IGDCC3: variants seen among roughly 807,000 people sequenced by gnomAD.
IGDCC3 encodes putative neuronal cell adhesion molecule.
A neutral mutation model predicts 72.0 loss-of-function variants in IGDCC3; 47 were observed. The ratio of observed to expected loss-of-function variants is 0.65; its 90% CI spans 0.52 to 0.83. IGDCC3 has a LOEUF of 0.83. IGDCC3 is among the 40% of genes least tolerant of loss of function. The pLI, the probability that IGDCC3 is intolerant of heterozygous loss-of-function variation, is 0.00. For missense variants in IGDCC3, 1,038 were observed against 1,091.3 expected (o/e 0.95, Z 0.69); for synonymous variants, 477 against 472.8 (o/e 1.01, Z -0.11).
At chr15:65,368,286 G>T (rs536695893) in intron 2 of IGDCC3, among the ~76,000 whole-genome samples, 1 of 151,852 alleles carries the variant, frequency 6.6e-6, no homozygotes, top group Admixed American at 6.6e-5. Flanking sequence ...CTCCCTGGGG[G>T]TGGGGAGGGG....
rs1595747231 is a variant in IGDCC3 at position 65,328,661 on chromosome 15, G to A, written c.*248C>T. ...TTCCAAGTCATGTGGGTACCAGGCA[G>A]AGGCAAGGGGGCGTCAGCCCAGGGA... On this transcript the variant is annotated 3_prime_UTR_variant, in exon 14 of 14. Transcript: ENST00000327987. 3 of 392,882 alleles carry A rather than the reference G, an allele frequency of 7.6e-6. No individual in the cohort carries two copies. The East Asian group carries it at 1.1e-4, about 14-fold the overall frequency. 24.3% of individuals were successfully genotyped at this position (392,882 alleles called of 1,614,324 possible).
intron 2 of IGDCC3, among the ~76,000 whole-genome samples, chr15:65,337,956 T>A (rs1259217388): frequency 6.6e-6 from 1 of 152,150 alleles, no homozygotes; most frequent in African/African-American, 2.4e-5. Context: ...CATCCTGGGC[T>A]CCCTGGAGGC....
At chr15:65,376,493 G>C (rs1416542395) in intron 1 of IGDCC3, among the ~76,000 whole-genome samples, 1 of 152,246 alleles carries the variant, frequency 6.6e-6, no homozygotes, top group Non-Finnish European at 1.5e-5. Context: ...CGATCCTGGA[G>C]CTGGCCCCTC....
chr15:65,360,848 T>G (rs964511651), intron 2 of IGDCC3, among the ~76,000 whole-genome samples: 1 of 152,134 alleles, frequency 6.6e-6, no homozygotes, highest in Non-Finnish European at 1.5e-5. Context: ...CAATCTCAGC[T>G]CACTGCAACC....
chr15:65,336,869 C>T (rs2091034241), intron 2 of IGDCC3, among the ~76,000 whole-genome samples: 1 of 152,138 alleles, frequency 6.6e-6, no homozygotes, highest in African/African-American at 2.4e-5. Context: ...CTCGGGTTCC[C>T]AGCTTCAGCA....
At chr15:65,330,162 C>T (rs1397740510) in intron 11 of IGDCC3, 131 bp downstream of exon 11, 1 of 747,630 alleles carries the variant, frequency 1.3e-6, no homozygotes, top group Non-Finnish European at 2.3e-6. Context: ...GGTCACACAG[C>T]CAGCATGTGC....
At chr15:65,347,315 A>C (rs552461153) in intron 2 of IGDCC3, among the ~76,000 whole-genome samples, 1 of 152,370 alleles carries the variant, frequency 6.6e-6, no homozygotes, top group Admixed American at 6.5e-5. Flanking sequence ...GGCTGAGATC[A>C]GCTCCTGGCT....
intron 2 of IGDCC3, among the ~76,000 whole-genome samples, chr15:65,352,544 T>G (rs911357754): frequency 9.2e-5 from 14 of 152,288 alleles, no homozygotes; most frequent in Admixed American, 8.5e-4. Context: ...GTAAAGAATG[T>G]CACTTTCTCA....
At chr15:65,330,484 C>T in intron 10 of IGDCC3, 66 bp downstream of exon 10, 1 of 1,573,714 alleles carries the variant, frequency 6.4e-7, no homozygotes, top group South Asian at 1.1e-5. Context: ...CCCCTGTACG[C>T]CACCTCCTGG....
intron 5 of IGDCC3, 101 bp downstream of exon 5, chr15:65,334,627 G>C: frequency 9.2e-7 from 1 of 1,085,066 alleles, no homozygotes; most frequent in Non-Finnish European, 1.3e-6. Context: ...AGAACAAACA[G>C]GATTCCACAT....
At chr15:65,364,820 G>A (rs2091280729) in intron 2 of IGDCC3, among the ~76,000 whole-genome samples, 1 of 152,154 alleles carries the variant, frequency 6.6e-6, no homozygotes, top group South Asian at 2.1e-4. Flanking sequence ...AGTTGAGGCT[G>A]CCCTGAGCCA....
intron 6 of IGDCC3, 137 bp from the exon 7 acceptor site, chr15:65,332,243 C>G: frequency 7.7e-6 from 8 of 1,041,956 alleles, no homozygotes; most frequent in Non-Finnish European, 1.1e-5. Context: ...CCCCTGGAGA[C>G]TCCTCCAGGT....
intron 2 of IGDCC3, among the ~76,000 whole-genome samples, chr15:65,346,535 C>T (rs1345158167): frequency 1.3e-5 from 2 of 151,914 alleles, no homozygotes; most frequent in Non-Finnish European, 2.9e-5. Context: ...CGGCTCACTG[C>T]AGCCTCCACC....
chr15:65,345,558 G>GCGCACA (rs1555431073), intron 2 of IGDCC3, among the ~76,000 whole-genome samples: 7 of 145,842 alleles, frequency 4.8e-5, no homozygotes, highest in African/African-American at 1.8e-4. Context: ...TGTCTCACAC[G>GCGCACA]CACACACACA....
Position 65,332,024 on chromosome 15 carries a change from A to C in IGDCC3, c.1065T>G (p.Gly355=), listed in dbSNP as rs753116381. 1 of 1,614,128 alleles carries C rather than the reference A, an allele frequency of 6.2e-7. No homozygotes were observed. The highest frequency in any genetic ancestry group is 8.5e-7 in the Non-Finnish European group (1 of 1,180,026). Residue 355 remains glycine, a synonymous_variant, in exon 7 of 14, where the codon GGT becomes GGG. Transcript: ENST00000327987. ...TTAMFTCQAQ[G]EPPPHVTWLK... Reference sequence around the variant, plus strand: ...GCCACGTGACATGAGGCGGTGGCTCACCCTGGGCTTGGCAGGTGAACATGG... The same window carrying C: ...GCCACGTGACATGAGGCGGTGGCTCCCCCTGGGCTTGGCAGGTGAACATGG...
At chr15:65,370,963 G>C (rs972618455) in intron 2 of IGDCC3, among the ~76,000 whole-genome samples, 4 of 151,724 alleles carry the variant, frequency 2.6e-5, no homozygotes, top group Non-Finnish European at 5.9e-5. Flanking sequence ...GAGAGGTGAA[G>C]TGACTTGGCC....
Position 65,331,654 on chromosome 15 carries a change from A to G in IGDCC3, c.1154T>C (p.Leu385Pro). The G allele has an allele frequency of 1.3e-6, 2 of 1,598,974 alleles. No individual in the cohort carries two copies. The highest frequency in any genetic ancestry group is 1.7e-6 in the Non-Finnish European group (2 of 1,169,722). ...HVRLKNNNSTLTISGIGPEDE... is the reference protein window; with the variant it reads ...HVRLKNNNSTPTISGIGPEDE... ...CTCAGGACCGATTCCAGAAATGGTC[A>G]GTGTGCTGCAGGGGAGAGAGACAGC... Residue 385 changes from leucine (L) to proline (P), a missense_variant, in exon 8 of 14, where the codon CTG (leucine) becomes CCG (proline). By Grantham distance (98) the Leu-to-Pro change is moderately conservative. Coordinates refer to ENST00000327987, the MANE Select transcript of IGDCC3 (RefSeq NM_004884.4).
At chr15:65,345,599 C>A (rs1037473942) in intron 2 of IGDCC3, among the ~76,000 whole-genome samples, 1 of 139,182 alleles carries the variant, frequency 7.2e-6, no homozygotes, top group Non-Finnish European at 1.5e-5. Flanking sequence ...CGCATGCACA[C>A]ACAGACACGC....
chr15:65,331,548 A>G lies in IGDCC3; in HGVS notation c.1260T>C (p.Ala420=). ...QASARLTVLW[A]EGLPGPPRNV... is the part of the protein sequence containing the mutation. ...TGCGGGGAGGCCCGGGGAGCCCCTC[A>G]GCCCACAGTACGGTCAGCCTGGCAC... The change falls in exon 8 of 14, where the codon GCT becomes GCC. Residue 420 remains alanine, a synonymous_variant. Transcript: ENST00000327987. 6.2e-7 allele frequency: 1 copy of G among 1,613,812 alleles called. No homozygotes were observed. The highest frequency in any genetic ancestry group is 2.2e-5 in the East Asian group (1 of 44,870).
Sources: allele counts gnomAD v4.1 joint callset (sites outside exome capture counted in the v4.1 genomes callset), GRCh38; gene constraint gnomAD v4.1.1; transcripts MANE v1.5; gene names NCBI Gene and HGNC (gene_info 2026-07-23, HGNC 2026-07-21).